The following PBX1 variants were observed in gnomAD, a reference collection of about 807,000 sequenced individuals.
PBX1 encodes pre-B-cell leukemia transcription factor 1.
Under a neutral mutation model 53.4 loss-of-function variants are expected in PBX1, and 6 were observed. The observed-to-expected ratio is 0.11, with a 90% confidence interval of 0.06 to 0.22. PBX1 has a LOEUF of 0.22. PBX1 is among the 10% of genes least tolerant of loss of function. PBX1 has a pLI of 1.00. For missense variants in PBX1, 251 were observed against 551.4 expected, an observed-to-expected ratio of 0.46 and a Z score of 5.46; for synonymous variants, 204 against 212.3, an observed-to-expected ratio of 0.96 and a Z score of 0.34.
chr1:164,815,466 T>C (rs1669834915), intron 6 of PBX1: 1 of 152,234 alleles, frequency 6.6e-6, no homozygotes, highest in African/African-American at 2.4e-5. Flanking sequence ...GGCAAGCCCA[T>C]ATACATAATC....
intron 2 of PBX1, among the ~76,000 whole-genome samples, chr1:164,763,607 C>G (rs988680064): frequency 3.9e-5 from 6 of 152,070 alleles, no homozygotes; most frequent in Non-Finnish European, 7.4e-5. Flanking sequence ...AAAGATAGAC[C>G]GAGGAGTCAT....
At chr1:164,871,156 A>G (rs572765104) in intron 2 of PBX1, among the ~76,000 whole-genome samples, 1 of 152,218 alleles carries the variant, frequency 6.6e-6, no homozygotes, top group Non-Finnish European at 1.5e-5. Context: ...TGTTTAGTCT[A>G]AAACTAGAAA....
intron 4 of PBX1, among the ~76,000 whole-genome samples, chr1:164,804,653 TAGC>T (rs60184558): frequency 0.22 from 32,970 of 151,920 alleles, 4,159 homozygotes; most frequent in East Asian, 0.3. Context: ...ACTTCACAAA[TAGC>T]AGCGCAATTA....
At chr1:164,719,226 C>G (rs1181218611) in intron 2 of PBX1, among the ~76,000 whole-genome samples, 2 of 152,304 alleles carry the variant, frequency 1.3e-5, no homozygotes, top group East Asian at 3.9e-4. Flanking sequence ...TTCTATCACT[C>G]TCCTTCAGGT....
intron 2 of PBX1, among the ~76,000 whole-genome samples, chr1:164,757,841 C>A (rs576538331): frequency 1.3e-5 from 2 of 152,100 alleles, no homozygotes. Context: ...CAGACTGCAG[C>A]CAAAGCTATG....
chr1:164,711,968 G>T (rs930075752), intron 2 of PBX1, among the ~76,000 whole-genome samples: 1 of 152,040 alleles, frequency 6.6e-6, no homozygotes, highest in Non-Finnish European at 1.5e-5. Flanking sequence ...AGGGAGAGCT[G>T]TAGTGGTTCC....
intron 2 of PBX1, among the ~76,000 whole-genome samples, chr1:164,661,835 T>A (rs1401836160): frequency 1.3e-5 from 2 of 152,202 alleles, no homozygotes; most frequent in Non-Finnish European, 2.9e-5. Flanking sequence ...AGTGCTAGCT[T>A]TTTAATTTTT....
intron 2 of PBX1, among the ~76,000 whole-genome samples, chr1:164,861,350 G>T (rs571616490): frequency 7.6e-4 from 115 of 152,148 alleles, no homozygotes; most frequent in Non-Finnish European, 1.5e-3. Flanking sequence ...TCAAGTTTGT[G>T]ATTTATTTAA....
chr1:164,830,330 G>C (rs1438880762), intron 8 of PBX1, among the ~76,000 whole-genome samples: 4 of 152,166 alleles, frequency 2.6e-5, no homozygotes, highest in African/African-American at 9.7e-5. Context: ...CCAAAGTGGG[G>C]TGACGGTGTT....
At position 164,847,584 on chromosome 1, in the gene PBX1, C is replaced by T. The variant is rs1671637091; in HGVS notation, c.*908C>T. 3.8e-6 allele frequency: 4 copies of T among 1,062,772 alleles called. No homozygotes were observed. The highest frequency in any genetic ancestry group is 3.4e-6 in the Non-Finnish European group (3 of 877,722). 65.8% of individuals were successfully genotyped at this position (1,062,772 alleles called of 1,614,324 possible). A position where few individuals can be genotyped will look rare whatever the true frequency, so the allele number is the denominator to read the frequency against. On this transcript the variant is annotated 3_prime_UTR_variant, in exon 9 of 9. Coordinates refer to ENST00000420696, the MANE Select transcript of PBX1 (RefSeq NM_002585.4). Reference sequence around the variant, plus strand: ...TCAGCAAGGAATAGAAAGTTCTTATCGTGAAACCCTTCAACCTCAACTATG... The same window carrying T: ...TCAGCAAGGAATAGAAAGTTCTTATTGTGAAACCCTTCAACCTCAACTATG...
Position 164,620,984 on chromosome 1 carries a change from T to TA in PBX1, c.265+57682dup, listed in dbSNP as rs571093475. The stretch of plus-strand genomic sequence containing the variant: ...AGGCGTGAGCCACTGCGCCCGGCAT[T>TA]AAAAAAAAATTAATTAATTTTTTGA... On this transcript the variant is annotated intron_variant, in intron 2 of 8. Transcript: ENST00000420696. 8.6e-3 allele frequency among the ~76,000 whole-genome samples: 1,277 copies of TA among 148,294 alleles called. 23 individuals carry two copies. Among genetic ancestry groups the TA allele is most frequent in the African/African-American group, 0.031 (1,227 of 40,024 alleles).
At chr1:164,628,247 G>T (rs1205130645) in intron 2 of PBX1, among the ~76,000 whole-genome samples, 1 of 152,182 alleles carries the variant, frequency 6.6e-6, no homozygotes, top group Non-Finnish European at 1.5e-5. Flanking sequence ...GTCATCTAAT[G>T]AGACTATAAA....
At chr1:164,852,885 A>ATACT (rs1375902819), downstream of PBX1, among the ~76,000 whole-genome samples, 1 of 152,212 alleles carries the variant, frequency 6.6e-6, no homozygotes, top group Non-Finnish European at 1.5e-5. Flanking sequence ...ACATTGGAAT[A>ATACT]TACTTACGGG....
At chr1:164,725,765 CT>C (rs1358996024) in intron 2 of PBX1, among the ~76,000 whole-genome samples, 1 of 152,172 alleles carries the variant, frequency 6.6e-6, no homozygotes, top group Non-Finnish European at 1.5e-5. Context: ...CTTCAAGGCA[CT>C]TTGCTTACAT....
At chr1:164,693,786 C>CT (rs1478108524) in intron 2 of PBX1, among the ~76,000 whole-genome samples, 4 of 152,154 alleles carry the variant, frequency 2.6e-5, no homozygotes, top group Non-Finnish European at 1.5e-5. Context: ...TCCATAGACT[C>CT]CTGGAAGGTA....
At chr1:164,794,663 C>G (rs575149254) in intron 3 of PBX1, among the ~76,000 whole-genome samples, 19 of 152,314 alleles carry the variant, frequency 1.2e-4, no homozygotes, top group Admixed American at 2.0e-4. Context: ...TTAGAATTTG[C>G]AGTCTGCTCT....
chr1:164,869,334 T>TA (rs1271429766), intron 2 of PBX1, among the ~76,000 whole-genome samples: 2 of 152,182 alleles, frequency 1.3e-5, no homozygotes, highest in African/African-American at 4.8e-5. Flanking sequence ...TGCTAGTCAG[T>TA]AAGCCTGGAT....
intron 2 of PBX1, among the ~76,000 whole-genome samples, chr1:164,861,554 CTT>C (rs2102442939): frequency 6.6e-6 from 1 of 152,220 alleles, no homozygotes; most frequent in East Asian, 1.9e-4. Context: ...AAGGAAAAAA[CTT>C]TGACCAAATT....
At chr1:164,707,448 AG>A (rs1663499050) in intron 2 of PBX1, among the ~76,000 whole-genome samples, 2 of 150,260 alleles carry the variant, frequency 1.3e-5, no homozygotes, top group Non-Finnish European at 3.0e-5. Flanking sequence ...AGAGAGAGAG[AG>A]AGAGAGAAAG....
Sources: allele counts gnomAD v4.1 joint callset (sites outside exome capture counted in the v4.1 genomes callset), GRCh38; gene constraint gnomAD v4.1.1; transcripts MANE v1.5; gene names NCBI Gene and HGNC (gene_info 2026-07-23, HGNC 2026-07-21).